The following WNK1 variants were observed in gnomAD, a reference collection of about 807,000 sequenced individuals.
WNK1 encodes the protein WNK lysine deficient protein kinase 1.
A neutral mutation model predicts 222.8 loss-of-function variants in WNK1; 38 were observed. That is an observed-to-expected ratio of 0.17 (90% CI 0.13 to 0.22). The LOEUF is 0.22. WNK1 is among the 10% of genes least tolerant of loss of function. The pLI is 1.00. For synonymous variants in WNK1, 1,090 were observed against 1,092.9 expected (o/e 1.00, Z 0.05); for missense variants, 2,348 against 2,918.4 (o/e 0.80, Z 4.50).
At chr12:805,845 A>G (rs1946324116) in intron 1 of WNK1, among the ~76,000 whole-genome samples, 1 of 152,226 alleles carries the variant, frequency 6.6e-6, no homozygotes, top group Admixed American at 6.5e-5. Context: ...CACCTACATG[A>G]GCCACAATAT....
rs377073379 is a variant in WNK1, at chr12:868,076, C to T, written c.2140-3189C>T. The stretch of plus-strand genomic sequence containing the variant: ...CCTGCTGAGGACTGTTGGCCAAAGT[C>T]TTCTTCCACCTGGTGGCAGCCCAAC... On this transcript the variant is annotated intron_variant, in intron 8 of 27. Coordinates refer to ENST00000315939, the MANE Select transcript of WNK1 (RefSeq NM_018979.4). 5 of 1,614,026 alleles carry T rather than the reference C, an allele frequency of 3.1e-6. No homozygotes were observed. In the South Asian group the frequency reaches 5.5e-5, roughly 18 times the overall value.
At chr12:804,273 G>A (rs1167873281) in intron 1 of WNK1, among the ~76,000 whole-genome samples, 1 of 152,138 alleles carries the variant, frequency 6.6e-6, no homozygotes, top group African/African-American at 2.4e-5. Context: ...TTTTGGTAGT[G>A]AAATATACAT....
chr12:864,123 T>TCTTTTTTTC (rs771791273), intron 8 of WNK1, among the ~76,000 whole-genome samples: 1 of 147,216 alleles, frequency 6.8e-6, no homozygotes, highest in Non-Finnish European at 1.5e-5. Context: ...TTTTTTTTTT[T>TCTTTTTTTC]TTTTGACAGC....
At chr12:816,231 A>G (rs139335554) in intron 2 of WNK1, among the ~76,000 whole-genome samples, 99 of 152,250 alleles carry the variant, frequency 6.5e-4, no homozygotes, top group Non-Finnish European at 1.2e-3. Context: ...ATTCACATCA[A>G]ATGCTACCAG....
intron 26 of WNK1, among the ~76,000 whole-genome samples, chr12:905,784 C>A (rs1383420581): frequency 2.6e-5 from 4 of 152,190 alleles, no homozygotes; most frequent in African/African-American, 7.2e-5. Flanking sequence ...TCTCCCCTCG[C>A]GTTTCCTGTA....
At chr12:908,122 G>A (rs947762784) in intron 27 of WNK1, 88 bp downstream of exon 27, 11 of 1,460,178 alleles carry the variant, frequency 7.5e-6, no homozygotes, top group Non-Finnish European at 7.6e-6. Flanking sequence ...AACGTCTTAC[G>A]CCACGACCTT....
intron 1 of WNK1, among the ~76,000 whole-genome samples, chr12:792,394 C>A (rs1443336843): frequency 1.3e-5 from 2 of 149,046 alleles, no homozygotes; most frequent in Admixed American, 1.4e-4. Flanking sequence ...CTCACTGCAG[C>A]CTCCGCTTCC....
chr12:879,537 T>A (rs1391661207), intron 10 of WNK1, 36 bp from the exon 11 acceptor site: 48 of 977,966 alleles, frequency 4.9e-5, no homozygotes, highest in East Asian at 1.3e-4. Context: ...TTTTTTTTTT[T>A]AAGCCTGTCT....
Position 830,180 on chromosome 12 carries a change from A to G in WNK1, c.1311+20A>G. ...ACCAGTGTAAGTCTTCCCCTAACTG[A>G]TTGTTGAACTTGGGGCATATCTAAC... On this transcript the variant is annotated intron_variant, in intron 4 of 27. Transcript: ENST00000315939. The G allele has an allele frequency of 1.2e-6, 2 of 1,613,752 alleles. No individual in the cohort carries two copies. The highest frequency in any genetic ancestry group is 2.2e-5 in the East Asian group (1 of 44,880).
intron 4 of WNK1, among the ~76,000 whole-genome samples, chr12:836,900 A>AT (rs150193188): frequency 1.1e-4 from 16 of 150,236 alleles, no homozygotes; most frequent in East Asian, 7.9e-4. Context: ...AATCAGAAAT[A>AT]TTTTTTTTTT....
chr12:901,478 C>T (rs1265300145), intron 26 of WNK1: 1 of 1,006,704 alleles, frequency 9.9e-7, no homozygotes, highest in African/African-American at 1.7e-5. Context: ...TTTCACCACT[C>T]CAGCCTCAAG....
intron 4 of WNK1, among the ~76,000 whole-genome samples, chr12:835,261 C>T (rs1043516024): frequency 3.9e-5 from 6 of 151,962 alleles, no homozygotes; most frequent in African/African-American, 9.7e-5. Context: ...TCGCCTGAGC[C>T]GGGGAGGTGG....
At position 883,585 on chromosome 12, in the gene WNK1, C is replaced by T. The variant is rs926622325; in HGVS notation, c.3663+17C>T. On this transcript the variant is annotated intron_variant, in intron 16 of 27. Coordinates refer to ENST00000315939, the MANE Select transcript of WNK1 (RefSeq NM_018979.4). Reference sequence around the variant, plus strand: ...GGTTCTCAGGTAGGTTCACCACTCCCATAGTGAAACTTTGTTGATTTAAAA... The same window carrying T: ...GGTTCTCAGGTAGGTTCACCACTCCTATAGTGAAACTTTGTTGATTTAAAA... 1.9e-6 allele frequency: 3 copies of T among 1,613,864 alleles called. No homozygotes were observed. The highest frequency in any genetic ancestry group is 3.3e-5 in the Admixed American group (2 of 60,006).
intron 26 of WNK1, chr12:907,641 G>T: frequency 1.6e-6 from 1 of 640,262 alleles, no homozygotes; most frequent in Non-Finnish European, 2.8e-6. Context: ...CTTAGCAGCA[G>T]CTACTGAAGA....
intron 4 of WNK1, among the ~76,000 whole-genome samples, chr12:830,584 T>C (rs947279971): frequency 3.9e-5 from 6 of 152,262 alleles, no homozygotes; most frequent in Non-Finnish European, 8.8e-5. Context: ...AAATCTTATA[T>C]ATTAGTACCT....
intron 8 of WNK1, chr12:865,061 TG>T: frequency 6.9e-7 from 1 of 1,445,226 alleles, no homozygotes; most frequent in Non-Finnish European, 9.1e-7. Flanking sequence ...TTGTTTATTT[TG>T]TTTTCACAGT....
intron 2 of WNK1, among the ~76,000 whole-genome samples, chr12:821,021 ATTCCTATCCTAG>A (rs1947820570): frequency 8.1e-6 from 1 of 123,768 alleles, no homozygotes. Flanking sequence ...GTTCTCTGCT[ATTCCTATCCTAG>A]TTTCTTGAGT....
chr12:758,923 A>G (rs926605327), intron 1 of WNK1, among the ~76,000 whole-genome samples: 5 of 147,520 alleles, frequency 3.4e-5, no homozygotes, highest in South Asian at 2.2e-4. Context: ...CTTTGTGACA[A>G]TTCATTTCTT....
chr12:833,728 T>C (rs1293259306), intron 4 of WNK1, among the ~76,000 whole-genome samples: 2 of 152,234 alleles, frequency 1.3e-5, no homozygotes, highest in Admixed American at 1.3e-4. Context: ...ATTATTTTTA[T>C]TGCTTTATAT....
Sources: allele counts gnomAD v4.1 joint callset (sites outside exome capture counted in the v4.1 genomes callset), GRCh38; gene constraint gnomAD v4.1.1; transcripts MANE v1.5; gene names NCBI Gene and HGNC (gene_info 2026-07-23, HGNC 2026-07-21).